TP53BP2: variants seen among roughly 807,000 people sequenced by gnomAD.
TP53BP2 encodes the protein apoptosis-stimulating of p53 protein 2.
TP53BP2 carries 62 observed loss-of-function variants against 126.2 expected under a neutral mutation model. That is an observed-to-expected ratio of 0.49 (90% CI 0.40 to 0.61). The LOEUF is 0.61. TP53BP2 is among the 20% of genes least tolerant of loss of function. The pLI, the probability that TP53BP2 is intolerant of heterozygous loss-of-function variation, is 0.00. For missense variants in TP53BP2, 1,215 were observed against 1,402.8 expected (o/e 0.87, Z 2.14); for synonymous variants, 485 against 502.9 (o/e 0.96, Z 0.48).
At chr1:223,803,656 T>C (rs1662612857) in intron 6 of TP53BP2, among the ~76,000 whole-genome samples, 1 of 152,226 alleles carries the variant, frequency 6.6e-6, no homozygotes, top group Admixed American at 6.5e-5. Flanking sequence ...TCAATGTATA[T>C]TTATCAGAAT....
intron 17 of TP53BP2, among the ~76,000 whole-genome samples, chr1:223,783,659 C>A (rs1331739019): frequency 6.6e-6 from 1 of 152,134 alleles, no homozygotes; most frequent in African/African-American, 2.4e-5. Flanking sequence ...GACAGCAGTC[C>A]CATTGTACTA....
chr1:223,801,902 G>C (rs1460283863), intron 9 of TP53BP2: 3 of 401,110 alleles, frequency 7.5e-6, no homozygotes, highest in Non-Finnish European at 1.3e-5. Context: ...TTCCTGAATA[G>C]AATTGTATTA....
intron 1 of TP53BP2, among the ~76,000 whole-genome samples, chr1:223,835,156 C>T (rs1663877147): frequency 6.6e-6 from 1 of 152,220 alleles, no homozygotes; most frequent in African/African-American, 2.4e-5. Flanking sequence ...CATCCTGAAG[C>T]ATCAAGAAAT....
chr1:223,802,375 T>C (rs1188704058), intron 8 of TP53BP2, 31 bp from the exon 9 acceptor site: 1 of 1,583,520 alleles, frequency 6.3e-7, no homozygotes. Context: ...CCTTTAGTAT[T>C]AAAAATCATC....
chr1:223,787,625 C>T (rs1257061899), intron 16 of TP53BP2, among the ~76,000 whole-genome samples: 5 of 151,998 alleles, frequency 3.3e-5, no homozygotes, highest in Non-Finnish European at 5.9e-5. Context: ...ACCTGTAATG[C>T]CAGCACTTTG....
intron 1 of TP53BP2, among the ~76,000 whole-genome samples, chr1:223,822,702 T>C (rs1007573463): frequency 7.3e-5 from 11 of 150,562 alleles, no homozygotes; most frequent in Non-Finnish European, 1.0e-4. Flanking sequence ...ATCTTGACAA[T>C]CTTTCTCCTA....
chr1:223,842,919 T>C (rs902068270), intron 1 of TP53BP2, among the ~76,000 whole-genome samples: 1 of 152,232 alleles, frequency 6.6e-6, no homozygotes, highest in African/African-American at 2.4e-5. Context: ...CCTCGGCAAG[T>C]TGTGGAAATA....
At chr1:223,802,939 G>C (rs2102853840) in intron 7 of TP53BP2, 44 bp from the exon 8 acceptor site, 3 of 1,605,656 alleles carry the variant, frequency 1.9e-6, no homozygotes, top group African/African-American at 2.7e-5. Flanking sequence ...GGAGTAGGAA[G>C]AAAATGTCTC....
chr1:223,825,682 T>A (rs1663471020), intron 1 of TP53BP2, among the ~76,000 whole-genome samples: 1 of 152,172 alleles, frequency 6.6e-6, no homozygotes, highest in African/African-American at 2.4e-5. Context: ...TCATCTGCTA[T>A]ATGTCTCTGT....
At chr1:223,798,895 C>A (rs1186405562) in intron 11 of TP53BP2, among the ~76,000 whole-genome samples, 2 of 151,724 alleles carry the variant, frequency 1.3e-5, no homozygotes, top group Non-Finnish European at 1.5e-5. Flanking sequence ...TATGGTGAAA[C>A]CCCGTCTCTA....
intron 17 of TP53BP2, among the ~76,000 whole-genome samples, chr1:223,782,786 A>T (rs1382388154): frequency 6.6e-6 from 1 of 152,098 alleles, no homozygotes; most frequent in Non-Finnish European, 1.5e-5. Flanking sequence ...GCATAGTCTA[A>T]TTGTATTTGT....
chr1:223,816,133 T>C (rs1202215620), intron 2 of TP53BP2, among the ~76,000 whole-genome samples: 1 of 152,238 alleles, frequency 6.6e-6, no homozygotes, highest in Non-Finnish European at 1.5e-5. Context: ...AATACATCTA[T>C]TACTGCAACT....
chr1:223,802,573 A>G (rs1456001224), intron 8 of TP53BP2, 158 bp downstream of exon 8: 1 of 1,008,194 alleles, frequency 9.9e-7, no homozygotes, highest in Non-Finnish European at 1.5e-6. Flanking sequence ...ATTAAAAAGT[A>G]AAAAAGCAGC....
Position 223,821,291 on chromosome 1 carries a change from C to T in TP53BP2, c.104G>A (p.Arg35Lys), listed in dbSNP as rs1235097178. The stretch of plus-strand genomic sequence containing the variant: ...TTCTTTGCACAGATCCACCACGTCT[C>T]TGCATATTGTTTCTGGAGTAACTGG... Reference protein sequence around the residue: ...EVPVTPETICRDVVDLCKEPG... With the variant: ...EVPVTPETICKDVVDLCKEPG... The change falls in exon 2 of 18, where the codon AGA becomes AAA. Residue 35 changes from arginine to lysine, a missense_variant. Physicochemically the swap from Arg to Lys is conservative, Grantham distance 26. Transcript: ENST00000343537. The T allele has an allele frequency of 1.9e-6, 3 of 1,614,060 alleles. No individual in the cohort carries two copies.
intron 3 of TP53BP2, among the ~76,000 whole-genome samples, chr1:223,811,617 T>C (rs942810334): frequency 6.6e-6 from 1 of 152,196 alleles, no homozygotes; most frequent in African/African-American, 2.4e-5. Context: ...CTTTGTATCA[T>C]CAGTTACCTA....
At chr1:223,785,051 A>G (rs936032447) in intron 16 of TP53BP2, among the ~76,000 whole-genome samples, 1 of 152,228 alleles carries the variant, frequency 6.6e-6, no homozygotes, top group Non-Finnish European at 1.5e-5. Flanking sequence ...ATACCTTCCT[A>G]TCCTAAAGGG....
chr1:223,842,780 T>TA (rs1200179709), intron 1 of TP53BP2, among the ~76,000 whole-genome samples: 8 of 152,370 alleles, frequency 5.3e-5, no homozygotes, highest in Admixed American at 5.2e-4. Flanking sequence ...TTGCTTTTGG[T>TA]AACTGCCTCC....
At chr1:223,810,305 T>C (rs909108807) in intron 4 of TP53BP2, 126 bp downstream of exon 4, 7 of 603,956 alleles carry the variant, frequency 1.2e-5, no homozygotes, top group African/African-American at 5.6e-5. Flanking sequence ...GAAACAAATT[T>C]AAAATAACCT....
chr1:223,820,231 G>T (rs1230036599), intron 2 of TP53BP2, among the ~76,000 whole-genome samples: 1 of 152,184 alleles, frequency 6.6e-6, no homozygotes, highest in Admixed American at 6.5e-5. Context: ...TTTAAAAGCT[G>T]CAGGAAGAAG....
Sources: allele counts gnomAD v4.1 joint callset (sites outside exome capture counted in the v4.1 genomes callset), GRCh38; gene constraint gnomAD v4.1.1; transcripts MANE v1.5; gene names NCBI Gene and HGNC (gene_info 2026-07-23, HGNC 2026-07-21).